The following MAP3K2 variants were observed in gnomAD, a reference collection of about 807,000 sequenced individuals.
MAP3K2 encodes the protein mitogen-activated protein kinase kinase kinase 2.
In MAP3K2, 24 loss-of-function variants were observed where a neutral mutation model predicts 80.3. That is an observed-to-expected ratio of 0.30 (90% CI 0.22 to 0.42). The LOEUF (loss-of-function observed/expected upper bound fraction) is 0.42. Among genes scored for constraint, MAP3K2 ranks in the 10% least tolerant of loss-of-function variants. The pLI, the probability that MAP3K2 is intolerant of heterozygous loss-of-function variation, is 1.00. For synonymous variants in MAP3K2, 244 were observed against 253.7 expected (o/e 0.96, Z 0.36); for missense variants, 608 against 750.1 (o/e 0.81, Z 2.21).
intron 1 of MAP3K2, among the ~76,000 whole-genome samples, chr2:127,348,818 G>A (rs1686642096): frequency 6.6e-6 from 1 of 152,118 alleles, no homozygotes. Context: ...TGAATAACTA[G>A]AGATCATTTG....
chr2:127,363,708 C>T (rs976480547), intron 1 of MAP3K2, among the ~76,000 whole-genome samples: 1 of 152,122 alleles, frequency 6.6e-6, no homozygotes, highest in Non-Finnish European at 1.5e-5. Context: ...AATGTATTTA[C>T]TTATTTATTT....
At chr2:127,368,039 C>G (rs11684068) in intron 1 of MAP3K2, among the ~76,000 whole-genome samples, 27,426 of 151,888 alleles carry the variant, frequency 0.18, 2,928 homozygotes, top group South Asian at 0.34. Context: ...TGGCAAGTAT[C>G]GGCTGGGCAT....
intron 1 of MAP3K2, among the ~76,000 whole-genome samples, chr2:127,377,345 A>T (rs949103213): frequency 1.3e-5 from 2 of 152,178 alleles, no homozygotes; most frequent in Non-Finnish European, 2.9e-5. Flanking sequence ...CAATTATAAA[A>T]GCAATTATAA....
At chr2:127,382,019 G>A (rs551307274) in intron 1 of MAP3K2, among the ~76,000 whole-genome samples, 2 of 152,254 alleles carry the variant, frequency 1.3e-5, no homozygotes, top group East Asian at 1.9e-4. Context: ...TTTAAAGGGT[G>A]TAAGAGGTGA....
At chr2:127,375,780 G>A (rs753517582) in intron 1 of MAP3K2, among the ~76,000 whole-genome samples, 53 of 152,082 alleles carry the variant, frequency 3.5e-4, no homozygotes, top group African/African-American at 1.1e-3. Context: ...ACAAATACCC[G>A]ACCTTCCCAG....
chr2:127,376,581 G>A (rs1370483023), intron 1 of MAP3K2, among the ~76,000 whole-genome samples: 3 of 152,096 alleles, frequency 2.0e-5, no homozygotes, highest in Non-Finnish European at 4.4e-5. Context: ...TTCCGTACAG[G>A]GGCTGCTCCC....
chr2:127,336,028 CAA>C (rs1686364246), intron 4 of MAP3K2, 59 bp from the exon 5 acceptor site: 1 of 949,520 alleles, frequency 1.1e-6, no homozygotes, highest in Non-Finnish European at 1.6e-6. Flanking sequence ...AATAAACTTG[CAA>C]AAGTTACCTC....
intron 9 of MAP3K2, among the ~76,000 whole-genome samples, chr2:127,324,843 G>A (rs1394068939): frequency 6.6e-6 from 1 of 152,100 alleles, no homozygotes; most frequent in Non-Finnish European, 1.5e-5. Flanking sequence ...GTCCTATTGA[G>A]ACCAGGAGGG....
intron 1 of MAP3K2, among the ~76,000 whole-genome samples, chr2:127,354,227 A>C (rs954791031): frequency 1.5e-5 from 2 of 135,816 alleles, no homozygotes; most frequent in African/African-American, 5.7e-5. Flanking sequence ...AGAAACACCC[A>C]AGAATGATCA....
At chr2:127,331,158 G>A (rs2104833292) in intron 5 of MAP3K2, among the ~76,000 whole-genome samples, 1 of 152,250 alleles carries the variant, frequency 6.6e-6, no homozygotes, top group East Asian at 1.9e-4. Context: ...GTCTTCTCAT[G>A]CAGCAGATGT....
At chr2:127,320,492 A>G (rs924714950) in intron 12 of MAP3K2, among the ~76,000 whole-genome samples, 16 of 152,186 alleles carry the variant, frequency 1.1e-4, no homozygotes, top group African/African-American at 3.9e-4. Context: ...GGTATGAGAC[A>G]GTATCAAATA....
chr2:127,335,490 A>C (rs1686348141), intron 5 of MAP3K2, among the ~76,000 whole-genome samples: 1 of 152,230 alleles, frequency 6.6e-6, no homozygotes, highest in Admixed American at 6.5e-5. Context: ...CAACACTAAA[A>C]TAATCCTTTA....
intron 9 of MAP3K2, among the ~76,000 whole-genome samples, chr2:127,324,851 G>C (rs78635893): frequency 2.6e-5 from 4 of 152,256 alleles, no homozygotes; most frequent in East Asian, 3.9e-4. Flanking sequence ...GAGACCAGGA[G>C]GGGGAGCACG....
In MAP3K2 at chr2:127,300,305, A is replaced by G; in HGVS notation, c.*7274T>C. The G allele has an allele frequency of 6.6e-6, 1 of 152,100 alleles. No individual in the cohort carries two copies. Among genetic ancestry groups the G allele is most frequent in the East Asian group, 1.9e-4 (1 of 5,204 alleles). The allele number at this position is 152,100 out of a possible 1,614,324, so 9.4% of individuals were successfully genotyped here. A position where few individuals can be genotyped will look rare whatever the true frequency, so the allele number is the denominator to read the frequency against. ...TTTCCAAAAATGTGCAAAAATGTCA[A>G]TCTTAATAGGAAAAAAACCCTTTGT... On this transcript the variant is annotated 3_prime_UTR_variant, in exon 17 of 17. Coordinates refer to ENST00000682094, the MANE Select transcript of MAP3K2 (RefSeq NM_001371910.2).
chr2:127,385,153 G>C (rs1358775978), intron 1 of MAP3K2, among the ~76,000 whole-genome samples: 7 of 152,208 alleles, frequency 4.6e-5, no homozygotes, highest in Non-Finnish European at 8.8e-5. Flanking sequence ...TTATCAAACA[G>C]TATCACATGC....
chr2:127,340,883 T>C (rs1353399548), intron 2 of MAP3K2, among the ~76,000 whole-genome samples: 4 of 152,174 alleles, frequency 2.6e-5, no homozygotes, highest in African/African-American at 7.2e-5. Context: ...AACATTTGAA[T>C]TTAAACAATT....
chr2:127,388,042 A>C, upstream of MAP3K2: 1 of 983,002 alleles, frequency 1.0e-6, no homozygotes, highest in Non-Finnish European at 1.2e-6. Context: ...GCCCGGCGGT[A>C]GCGGAACCCG....
chr2:127,311,975 G>A (rs1379065194), intron 15 of MAP3K2, among the ~76,000 whole-genome samples: 1 of 152,106 alleles, frequency 6.6e-6, no homozygotes, highest in Non-Finnish European at 1.5e-5. Context: ...GCGTCCCAAA[G>A]AATCATTTTA....
chr2:127,337,835 G>T, intron 3 of MAP3K2, 57 bp from the exon 4 acceptor site: 2 of 1,010,222 alleles, frequency 2.0e-6, no homozygotes, highest in South Asian at 1.7e-5. Context: ...TCAGAGATTA[G>T]ATAAAATTTC....
Sources: gnomAD v4.1 joint callset for allele counts (sites outside exome capture counted in the v4.1 genomes callset) on GRCh38, gnomAD v4.1.1 for gene constraint, MANE v1.5 for transcripts, NCBI Gene and HGNC (gene_info 2026-07-23, HGNC 2026-07-21) for gene names.